ZBBX: variants seen among roughly 807,000 people sequenced by gnomAD.
ZBBX encodes zinc finger B-box domain-containing protein 1.
A neutral mutation model predicts 108.5 loss-of-function variants in ZBBX; 101 were observed. That is an observed-to-expected ratio of 0.93 (90% confidence interval 0.79 to 1.10). ZBBX has a LOEUF of 1.10. ZBBX is among the 50% of genes least tolerant of loss of function. ZBBX has a pLI of 0.00. For missense variants in ZBBX, 1,009 were observed against 941.4 expected (o/e 1.07, Z -0.94); for synonymous variants, 356 against 323.4 (o/e 1.10, Z -1.08).
At chr3:167,203,134 G>C in the ZBBX span, among the ~76,000 whole-genome samples, 1 of 152,088 alleles carries the variant, frequency 6.6e-6, no homozygotes, top group East Asian at 1.9e-4. Context: ...TAATTTTGGA[G>C]GCTAGAAGTT....
chr3:167,330,871 G>GA lies in ZBBX; in HGVS notation c.688-2756dup, dbSNP rs1553820669. 2.3e-3 allele frequency among the ~76,000 whole-genome samples: 102 copies of GA among 43,930 alleles called. 6 individuals are homozygous for GA. The highest frequency in any genetic ancestry group is 0.022 in the Middle Eastern group (2 of 92). The allele number at this position is 43,930 out of a possible 152,430, so 28.8% of individuals were successfully genotyped here. On this transcript the variant is annotated intron_variant, in intron 10 of 21. Coordinates refer to ENST00000675490, the MANE Select transcript of ZBBX (RefSeq NM_001199201.2). ...GGAGGAGGAGGAGGAGGAGGAGGAG[G>GA]AGAAGAAGAAGAAGAAGAAGAAGAA...
At chr3:167,299,326 G>T (rs906219348) in intron 17 of ZBBX, among the ~76,000 whole-genome samples, 1 of 151,822 alleles carries the variant, frequency 6.6e-6, no homozygotes, top group Admixed American at 6.6e-5. Flanking sequence ...TCATATTAAA[G>T]AACAAAGCTA....
intron 21 of ZBBX, among the ~76,000 whole-genome samples, chr3:167,242,100 A>C (rs1720771098): frequency 6.6e-6 from 1 of 152,174 alleles, no homozygotes; most frequent in South Asian, 2.1e-4. Context: ...GCTTGATTTC[A>C]AGAAAGAAAC....
intron 16 of ZBBX, among the ~76,000 whole-genome samples, chr3:167,312,286 G>A (rs933768239): frequency 6.6e-6 from 1 of 152,168 alleles, no homozygotes; most frequent in Non-Finnish European, 1.5e-5. Context: ...GTCAGAGAGA[G>A]GGATAAACAG....
At chr3:167,213,026 T>C in the ZBBX span, among the ~76,000 whole-genome samples, 1 of 151,838 alleles carries the variant, frequency 6.6e-6, no homozygotes, top group East Asian at 2.0e-4. Context: ...ACATCAAGAT[T>C]ATAAGTCTAT....
At chr3:167,393,426 A>AT (rs1352947446) in intron 1 of ZBBX, among the ~76,000 whole-genome samples, 1 of 151,834 alleles carries the variant, frequency 6.6e-6, no homozygotes, top group African/African-American at 2.4e-5. Context: ...TATTTTATTC[A>AT]TTTTTATTGA....
At chr3:167,205,756 A>C in the ZBBX span, among the ~76,000 whole-genome samples, 3 of 152,204 alleles carry the variant, frequency 2.0e-5, no homozygotes, top group African/African-American at 7.2e-5. Context: ...AATTGGTGGA[A>C]CCAGGATTCA....
Position 167,316,986 on chromosome 3 carries a change from T to C in ZBBX, c.1194+19A>G. The C allele has an allele frequency of 7.0e-7, 1 of 1,430,330 alleles. No homozygotes were observed. The highest frequency in any genetic ancestry group is 9.7e-7 in the Non-Finnish European group (1 of 1,027,428). 88.6% of individuals were successfully genotyped at this position (1,430,330 alleles called of 1,614,324 possible). On this transcript the variant is annotated intron_variant, in intron 14 of 21. Coordinates refer to ENST00000675490, the MANE Select transcript of ZBBX (RefSeq NM_001199201.2). ...CCTGTTAAAAATCATGAATGGTCATTATGCACTTATGCACTTACATCATCC... is the reference window on the plus strand; with the variant it reads ...CCTGTTAAAAATCATGAATGGTCATCATGCACTTATGCACTTACATCATCC...
At chr3:167,326,888 A>C (rs956197114) in intron 11 of ZBBX, among the ~76,000 whole-genome samples, 1 of 152,028 alleles carries the variant, frequency 6.6e-6, no homozygotes, top group Admixed American at 6.5e-5. Flanking sequence ...TAGTCAGAAG[A>C]GTTTCTCCAA....
chr3:167,217,943 T>G, the ZBBX span, among the ~76,000 whole-genome samples: 1 of 148,648 alleles, frequency 6.7e-6, no homozygotes, highest in African/African-American at 2.5e-5. Context: ...CAGGCTGGAG[T>G]GCAGTTAGCC....
intron 20 of ZBBX, among the ~76,000 whole-genome samples, chr3:167,272,299 T>C (rs1032995251): frequency 1.3e-5 from 2 of 152,210 alleles, no homozygotes; most frequent in Admixed American, 1.3e-4. Flanking sequence ...TGGTCTCTCC[T>C]TTACCTTCTC....
chr3:167,297,394 G>A (rs1316937673), intron 18 of ZBBX, among the ~76,000 whole-genome samples: 2 of 151,894 alleles, frequency 1.3e-5, no homozygotes, highest in Admixed American at 6.6e-5. Context: ...AACTCAAATC[G>A]ATCAAAGACC....
At chr3:167,402,196 T>G (rs1748445294) in intron 1 of ZBBX, among the ~76,000 whole-genome samples, 1 of 152,158 alleles carries the variant, frequency 6.6e-6, no homozygotes, top group Non-Finnish European at 1.5e-5. Context: ...GAAATTGAAG[T>G]AAGAACTGAT....
Position 167,365,436 on chromosome 3 carries a change from G to C in ZBBX, c.273+450C>G, listed in dbSNP as rs1577098826. 2.0e-5 allele frequency among the ~76,000 whole-genome samples: 3 copies of C among 151,476 alleles called. No individual in the cohort carries two copies. In the South Asian group the frequency reaches 6.2e-4, roughly 31 times the overall value. On this transcript the variant is annotated intron_variant, in intron 6 of 21. Transcript: ENST00000675490. ...AAACTGAAAAGTATTTTTTTCTTGAGTATCTTTACACATGGAATCAACAGT... is the reference window on the plus strand; with the variant it reads ...AAACTGAAAAGTATTTTTTTCTTGACTATCTTTACACATGGAATCAACAGT...
upstream of ZBBX, among the ~76,000 whole-genome samples, chr3:167,384,880 G>T (rs539663536): frequency 2.2e-4 from 33 of 151,964 alleles, no homozygotes; most frequent in Non-Finnish European, 4.1e-4. Context: ...TAAAAAAGAA[G>T]AACTAGCACT....
rs1453432282 is a variant in ZBBX, at chr3:167,362,427, G to A, written c.274-1704C>T. Among the ~76,000 whole-genome samples, 5 of 151,938 alleles carry A rather than the reference G, an allele frequency of 3.3e-5. No individual in the cohort carries two copies. The East Asian group carries it at 5.8e-4, about 18-fold the overall frequency. The stretch of plus-strand genomic sequence containing the variant: ...CTCCCTGGCATTCACAAATACCTCC[G>A]AACTCCCACCAATGCCTTCATCTGC... On this transcript the variant is annotated intron_variant, in intron 6 of 21. Coordinates refer to ENST00000675490, the MANE Select transcript of ZBBX (RefSeq NM_001199201.2).
intron 20 of ZBBX, among the ~76,000 whole-genome samples, chr3:167,262,969 T>C (rs1724810460): frequency 6.6e-6 from 1 of 152,080 alleles, no homozygotes; most frequent in South Asian, 2.1e-4. Flanking sequence ...TTTATTTCTG[T>C]TCTGATCATT....
chr3:167,307,392 A>G (rs1212625271), intron 16 of ZBBX, among the ~76,000 whole-genome samples: 1 of 152,182 alleles, frequency 6.6e-6, no homozygotes, highest in Non-Finnish European at 1.5e-5. Flanking sequence ...TAAGCCCAGA[A>G]GCTTCTTAAG....
chr3:167,190,071 T>G, the ZBBX span, among the ~76,000 whole-genome samples: 1 of 152,200 alleles, frequency 6.6e-6, no homozygotes, highest in Non-Finnish European at 1.5e-5. Context: ...CATTTAGTTT[T>G]CTATTTTCCT....
Sources: allele counts gnomAD v4.1 joint callset (sites outside exome capture counted in the v4.1 genomes callset), GRCh38; gene constraint gnomAD v4.1.1; transcripts MANE v1.5; gene names NCBI Gene and HGNC (gene_info 2026-07-23, HGNC 2026-07-21).